The following COPG2 variants were observed in gnomAD, a reference collection of about 807,000 sequenced individuals.
COPG2 encodes the protein coat protein complex I subunit gamma 2, also known as coatomer subunit gamma-2.
Under a neutral mutation model 46.3 loss-of-function variants are expected in COPG2, and 37 were observed. The ratio of observed to expected loss-of-function variants is 0.80; its 90% confidence interval spans 0.61 to 1.05. The LOEUF (loss-of-function observed/expected upper bound fraction) is 1.05, where lower values mean the gene tolerates loss of function less well. COPG2 is among the 50% of genes least tolerant of loss of function. COPG2 has a pLI of 0.00. For missense variants in COPG2, 427 were observed against 387.8 expected (o/e 1.10, Z -0.85); for synonymous variants, 159 against 129.7 (o/e 1.23, Z -1.53).
intron 4 of COPG2, among the ~76,000 whole-genome samples, chr7:130,661,589 T>C (rs184628381): frequency 2.6e-5 from 4 of 152,326 alleles, no homozygotes; most frequent in Admixed American, 2.6e-4. Context: ...TTGAAGGTAT[T>C]AATGACCAGT....
chr7:130,603,462 G>A (rs915844966), intron 9 of COPG2, among the ~76,000 whole-genome samples: 20 of 152,134 alleles, frequency 1.3e-4, no homozygotes, highest in African/African-American at 4.6e-4. Flanking sequence ...GCTCATGCCT[G>A]TAATCCCAGC....
At chr7:130,516,086 G>A (rs1295149183) in intron 20 of COPG2, among the ~76,000 whole-genome samples, 5 of 152,120 alleles carry the variant, frequency 3.3e-5, no homozygotes, top group African/African-American at 4.8e-5. Context: ...TCTGAATGAA[G>A]GAGGGATACT....
chr7:130,509,142 G>T (rs1180324972), intron 20 of COPG2: 4 of 444,692 alleles, frequency 9.0e-6, no homozygotes, highest in Non-Finnish European at 1.8e-5. Context: ...CTGATGGCGG[G>T]TCCACAGATC....
In COPG2 at chr7:130,651,585, C is replaced by T. The variant is rs1032092247; in HGVS notation, c.323+1284G>A. On this transcript the variant is annotated intron_variant, in intron 5 of 23. Coordinates refer to ENST00000425248, the MANE Select transcript of COPG2 (RefSeq NM_012133.6). ...ACTGCGGACTGCAGTGGCGCAATCT[C>T]GGCTCACTGCAAGCTCCGCTTCCCG... 5.4e-4 allele frequency among the ~76,000 whole-genome samples: 77 copies of T among 143,452 alleles called. 2 individuals carry two copies. The Admixed American group carries it at 5.4e-3, about 10-fold the overall frequency. The allele number at this position is 143,452 out of a possible 152,430, so 94.1% of individuals were successfully genotyped here.
At chr7:130,599,326 T>C (rs1554450064) in intron 9 of COPG2, among the ~76,000 whole-genome samples, 2 of 152,150 alleles carry the variant, frequency 1.3e-5, no homozygotes, top group Non-Finnish European at 2.9e-5. Flanking sequence ...AGACCCAATA[T>C]GGCACTGGAT....
intron 12 of COPG2, among the ~76,000 whole-genome samples, chr7:130,560,611 T>C (rs911858542): frequency 2.6e-5 from 4 of 152,298 alleles, no homozygotes; most frequent in South Asian, 4.1e-4. Context: ...TGGTACTGGA[T>C]TGACAAACAG....
intron 20 of COPG2, among the ~76,000 whole-genome samples, chr7:130,533,718 C>T (rs1214268482): frequency 1.3e-5 from 2 of 152,028 alleles, no homozygotes; most frequent in African/African-American, 4.8e-5. Context: ...TGGGAGCAGA[C>T]ATTAAGGAAA....
chr7:130,617,108 T>A (rs1554453033), intron 5 of COPG2, 43 bp from the exon 6 acceptor site: 13 of 1,333,996 alleles, frequency 9.7e-6, no homozygotes, highest in Non-Finnish European at 1.4e-5. Flanking sequence ...AATTAAAATC[T>A]CTCCCATGGA....
chr7:130,517,620 G>A (rs887065237), intron 20 of COPG2, among the ~76,000 whole-genome samples: 13 of 152,196 alleles, frequency 8.5e-5, no homozygotes, highest in African/African-American at 3.1e-4. Context: ...TGTCTGTAGA[G>A]GAAATTAATT....
At chr7:130,642,878 C>G (rs1795519727) in intron 5 of COPG2, among the ~76,000 whole-genome samples, 1 of 152,076 alleles carries the variant, frequency 6.6e-6, no homozygotes, top group Admixed American at 6.6e-5. Context: ...CAAAAATTAG[C>G]TGGGCGTGGT....
At chr7:130,634,356 T>C (rs75783058) in intron 5 of COPG2, among the ~76,000 whole-genome samples, 8 of 152,218 alleles carry the variant, frequency 5.3e-5, no homozygotes, top group Non-Finnish European at 1.0e-4. Flanking sequence ...TCCATGAGCA[T>C]GGAATGTTTT....
intron 9 of COPG2, among the ~76,000 whole-genome samples, chr7:130,577,976 C>A (rs1794044581): frequency 6.6e-6 from 1 of 152,208 alleles, no homozygotes; most frequent in Admixed American, 6.5e-5. Context: ...CAGGGAAGCT[C>A]CAACTGGGTG....
At chr7:130,616,964 G>A (rs1393507344) in intron 6 of COPG2, 26 bp downstream of exon 6, 2 of 1,499,884 alleles carry the variant, frequency 1.3e-6, no homozygotes, top group Non-Finnish European at 1.8e-6. Flanking sequence ...GTTCCATTTG[G>A]TAACTCAGTG....
At position 130,655,222 on chromosome 7, in the gene COPG2, G is replaced by A. The variant is rs576639423; in HGVS notation, c.244-2274C>T. 7.9e-5 allele frequency among the ~76,000 whole-genome samples: 12 copies of A among 151,974 alleles called. No homozygotes were observed. The East Asian group carries it at 1.2e-3, about 15-fold the overall frequency. ...AAATAGTATTGAACTCTATTCTGTC[G>A]TGAGGGAAGGTTAACCAGGACTAGT... On this transcript the variant is annotated intron_variant, in intron 4 of 23. Coordinates refer to ENST00000425248, the MANE Select transcript of COPG2 (RefSeq NM_012133.6).
chr7:130,519,762 G>C (rs1799710227), intron 20 of COPG2, among the ~76,000 whole-genome samples: 1 of 152,208 alleles, frequency 6.6e-6, no homozygotes, highest in Non-Finnish European at 1.5e-5. Context: ...ATGGGACGTT[G>C]TATGAATTAG....
chr7:130,516,889 A>G (rs1052649811), intron 20 of COPG2, among the ~76,000 whole-genome samples: 61 of 152,298 alleles, frequency 4.0e-4, no homozygotes, highest in Middle Eastern at 6.8e-3. Flanking sequence ...AGTGGCAAGA[A>G]TCCTATGAAA....
At chr7:130,590,804 T>G (rs2116459822) in intron 9 of COPG2, among the ~76,000 whole-genome samples, 1 of 149,858 alleles carries the variant, frequency 6.7e-6, no homozygotes, top group East Asian at 2.0e-4. Context: ...TCATCTGAGA[T>G]GTGGGGAGCA....
intron 9 of COPG2, among the ~76,000 whole-genome samples, chr7:130,593,083 T>C (rs1297702229): frequency 6.6e-6 from 1 of 152,234 alleles, no homozygotes; most frequent in Non-Finnish European, 1.5e-5. Flanking sequence ...CTAGTAGGCT[T>C]TGTATGAATT....
At chr7:130,666,794 C>G (rs1796087143) in intron 3 of COPG2, 55 bp downstream of exon 3, 2 of 769,898 alleles carry the variant, frequency 2.6e-6, no homozygotes, top group South Asian at 3.3e-5. Context: ...TTCACTGAAT[C>G]TTCAGTATTT....
Sources: gnomAD v4.1 joint callset for allele counts (sites outside exome capture counted in the v4.1 genomes callset) on GRCh38, gnomAD v4.1.1 for gene constraint, MANE v1.5 for transcripts, NCBI Gene and HGNC (gene_info 2026-07-23, HGNC 2026-07-21) for gene names.